SPHKAP: variants seen among roughly 807,000 people sequenced by gnomAD.
The protein encoded by SPHKAP is A-kinase anchor protein SPHKAP.
A neutral mutation model predicts 137.5 loss-of-function variants in SPHKAP; 67 were observed. That is an observed-to-expected ratio of 0.49 (90% CI 0.40 to 0.60). The LOEUF (loss-of-function observed/expected upper bound fraction) is 0.60, where lower values mean the gene tolerates loss of function less well. Ranked by LOEUF, SPHKAP falls within the 20% of genes least tolerant of loss-of-function variation. The probability of loss-of-function intolerance (pLI) is 0.00; values close to 1 mark genes in which losing one functional copy is unlikely to be tolerated. For missense variants in SPHKAP, 2,097 were observed against 2,069.3 expected, an observed-to-expected ratio of 1.01 and a Z score of -0.26; for synonymous variants, 813 against 785.3, an observed-to-expected ratio of 1.04 and a Z score of -0.59.
At chr2:227,991,831 A>G in intron 9 of SPHKAP, 1 of 469,986 alleles carries the variant, frequency 2.1e-6, no homozygotes, top group Non-Finnish European at 2.8e-6. Context: ...TTTGATCTGA[A>G]ATAAGAAAAA....
intron 11 of SPHKAP, among the ~76,000 whole-genome samples, chr2:227,989,007 G>T (rs1009818231): frequency 3.9e-5 from 6 of 152,148 alleles, no homozygotes; most frequent in African/African-American, 1.4e-4. Context: ...GAAAGGGTAT[G>T]AAAAATGAAT....
intron 1 of SPHKAP, among the ~76,000 whole-genome samples, chr2:228,149,299 C>A (rs988261329): frequency 6.6e-6 from 1 of 152,120 alleles, no homozygotes; most frequent in African/African-American, 2.4e-5. Flanking sequence ...TAGGATATTA[C>A]TTCAAATCTC....
intron 3 of SPHKAP, among the ~76,000 whole-genome samples, chr2:228,076,197 A>G (rs143819690): frequency 1.3e-5 from 2 of 152,334 alleles, no homozygotes; most frequent in East Asian, 3.9e-4. Context: ...TGTAAGTTTA[A>G]TAAACACTTT....
At chr2:228,023,032 T>C (rs991973616) in intron 5 of SPHKAP, among the ~76,000 whole-genome samples, 3 of 152,162 alleles carry the variant, frequency 2.0e-5, no homozygotes, top group Admixed American at 2.0e-4. Flanking sequence ...GAGGCCCAAA[T>C]TATAGAATCA....
In SPHKAP at chr2:228,176,986, C is replaced by T. The variant is rs539336960; in HGVS notation, c.32+4581G>A. Among the ~76,000 whole-genome samples, 4 of 140,144 alleles carry T rather than the reference C, an allele frequency of 2.9e-5. No homozygotes were observed. In the East Asian group the frequency reaches 7.7e-4, roughly 27 times the overall value. 91.9% of individuals were successfully genotyped at this position (140,144 alleles called of 152,430 possible). A position where few individuals can be genotyped will look rare whatever the true frequency, so the allele number is the denominator to read the frequency against. On this transcript the variant is annotated intron_variant, in intron 1 of 11. Coordinates refer to ENST00000392056, the MANE Select transcript of SPHKAP (RefSeq NM_001142644.2). ...ATTATTTGTAGCTGTAACTCTGTAA[C>T]ACCAAGAAAAAACTCAGTTCAAATG...
chr2:228,104,455 A>G (rs1243345293), intron 3 of SPHKAP, among the ~76,000 whole-genome samples: 1 of 150,316 alleles, frequency 6.7e-6, no homozygotes, highest in Non-Finnish European at 1.5e-5. Context: ...GTGAGTCTAG[A>G]TTCTTCCATA....
rs57442116 is a variant in SPHKAP at position 228,080,707 on chromosome 2, CAAAAT to C, written c.246+28120_246+28124del. ...GGCCAAAAAGAGTGAAACTCTGTCTCAAAATAAAATAAAATAAAATAAAATAAAAT... is the reference window on the plus strand; with the variant it reads ...GGCCAAAAAGAGTGAAACTCTGTCTCAAAATAAAATAAAATAAAATAAAAT... On this transcript the variant is annotated intron_variant, in intron 3 of 11. Transcript: ENST00000392056. 9.1e-3 allele frequency among the ~76,000 whole-genome samples: 1,221 copies of C among 134,104 alleles called. 7 individuals are homozygous for C. Among genetic ancestry groups the C allele is most frequent in the Middle Eastern group, 0.015 (4 of 268 alleles). 88.0% of individuals were successfully genotyped at this position (134,104 alleles called of 152,430 possible). A position where few individuals can be genotyped will look rare whatever the true frequency, so the allele number is the denominator to read the frequency against.
chr2:228,029,188 G>T (rs1381177560), intron 3 of SPHKAP, among the ~76,000 whole-genome samples: 2 of 152,142 alleles, frequency 1.3e-5, no homozygotes. Flanking sequence ...TCATCCAAAG[G>T]TTTTTATTTC....
intron 2 of SPHKAP, among the ~76,000 whole-genome samples, chr2:228,129,694 A>C (rs1339909111): frequency 6.6e-6 from 1 of 151,886 alleles, no homozygotes; most frequent in African/African-American, 2.4e-5. Context: ...GTATATATTT[A>C]TGTATAAATA....
intron 3 of SPHKAP, among the ~76,000 whole-genome samples, chr2:228,083,352 GT>G (rs1484747880): frequency 6.6e-6 from 1 of 152,160 alleles, no homozygotes; most frequent in Admixed American, 6.5e-5. Context: ...AGCATCTGTT[GT>G]TTCCTGGCTT....
Position 228,018,048 on chromosome 2 carries a change from T to C in SPHKAP, c.2806A>G (p.Thr936Ala), listed in dbSNP as rs756431061. The change falls in exon 7 of 12, where the codon ACG becomes GCG. Residue 936 changes from threonine to alanine, a missense_variant. Transcript: ENST00000392056. ...ATTTCAGTTGCCATGGAGACGACCG[T>C]GTCTGCTAATTCTTCCGCAAAGTCT... Reference protein sequence around the residue: ...ITDFAEELADTVVSMATEIAA... With the variant: ...ITDFAEELADAVVSMATEIAA... The C allele has an allele frequency of 7.4e-6, 12 of 1,614,064 alleles. No individual in the cohort carries two copies. The highest frequency in any genetic ancestry group is 1.6e-4 in the Middle Eastern group (1 of 6,084).
At chr2:228,147,713 T>C (rs1699814786) in intron 1 of SPHKAP, among the ~76,000 whole-genome samples, 1 of 152,204 alleles carries the variant, frequency 6.6e-6, no homozygotes. Flanking sequence ...CGAAGGGAGA[T>C]AACTTCAGTC....
intron 7 of SPHKAP, among the ~76,000 whole-genome samples, chr2:228,011,281 A>G (rs1694357345): frequency 6.8e-6 from 1 of 146,502 alleles, no homozygotes; most frequent in South Asian, 2.1e-4. Flanking sequence ...AACTTTTTCC[A>G]TAGTTCACAC....
chr2:228,135,332 A>G (rs6436758), intron 1 of SPHKAP, among the ~76,000 whole-genome samples: 51,422 of 151,014 alleles, frequency 0.34, 9,072 homozygotes, highest in East Asian at 0.5. Context: ...CACTCTAGAA[A>G]GAAATCACAT....
chr2:228,160,833 C>A (rs13429384), intron 1 of SPHKAP, among the ~76,000 whole-genome samples: 10,547 of 152,238 alleles, frequency 0.069, 412 homozygotes, highest in Non-Finnish European at 0.082. Flanking sequence ...TACTGACTTT[C>A]TTGGCCTTCC....
At chr2:227,989,837 G>C (rs1693351857) in intron 11 of SPHKAP, among the ~76,000 whole-genome samples, 1 of 149,346 alleles carries the variant, frequency 6.7e-6, no homozygotes, top group African/African-American at 2.5e-5. Flanking sequence ...GGCTGGTCTT[G>C]AACTCCTGAC....
chr2:228,100,265 C>T (rs1484717687), intron 3 of SPHKAP, among the ~76,000 whole-genome samples: 1 of 152,168 alleles, frequency 6.6e-6, no homozygotes, highest in Non-Finnish European at 1.5e-5. Context: ...GGTATAGAAT[C>T]ATATCATCAG....
rs1553536204 is a variant in SPHKAP, at chr2:228,061,736, T to TATACACACACACACACACAC, written c.247-34194_247-34193insGTGTGTGTGTGTGTGTGTAT. 2.6e-5 allele frequency among the ~76,000 whole-genome samples: 4 copies of TATACACACACACACACACAC among 151,494 alleles called. No individual in the cohort carries two copies. The South Asian group carries it at 8.3e-4, about 31-fold the overall frequency. Reference sequence around the variant, plus strand: ...TCTGAATATCCAGGAAATATATATATACACACACACACACACACATACACA... The same window carrying TATACACACACACACACACAC: ...TCTGAATATCCAGGAAATATATATATATACACACACACACACACACACACACACACACACACACATACACA... On this transcript the variant is annotated intron_variant, in intron 3 of 11. Coordinates refer to ENST00000392056, the MANE Select transcript of SPHKAP (RefSeq NM_001142644.2).
At chr2:228,057,873 C>A (rs986682908) in intron 3 of SPHKAP, among the ~76,000 whole-genome samples, 27 of 152,142 alleles carry the variant, frequency 1.8e-4, no homozygotes, top group African/African-American at 6.0e-4. Flanking sequence ...AAGGCCCCAT[C>A]GGTCGGAAGC....
Sources: allele counts gnomAD v4.1 joint callset (sites outside exome capture counted in the v4.1 genomes callset), GRCh38; gene constraint gnomAD v4.1.1; transcripts MANE v1.5; gene names NCBI Gene and HGNC (gene_info 2026-07-23, HGNC 2026-07-21).